Variants in C16orf96 observed in about 807,000 individuals in gnomAD.
The protein encoded by C16orf96 is chromosome 16 open reading frame 96.
A neutral mutation model predicts 103.6 loss-of-function variants in C16orf96; 108 were observed. The ratio of observed to expected loss-of-function variants is 1.04; its 90% CI spans 0.89 to 1.22. The LOEUF is 1.22. Among genes scored for constraint, C16orf96 ranks in the 50% most tolerant of loss-of-function variants. The probability of loss-of-function intolerance (pLI) is 0.00; values close to 1 mark genes in which losing one functional copy is unlikely to be tolerated. For missense variants in C16orf96, 1,586 were observed against 1,464.2 expected (o/e 1.08, Z -1.36); for synonymous variants, 566 against 593.5 (o/e 0.95, Z 0.67).
intron 1 of C16orf96, among the ~76,000 whole-genome samples, chr16:4,559,018 G>A (rs1395714699): frequency 6.6e-6 from 1 of 152,060 alleles, no homozygotes; most frequent in Admixed American, 6.6e-5. Flanking sequence ...CTGGAAGGCA[G>A]GTGTTGCAGT....
chr16:4,574,874 C>G, intron 3 of C16orf96, 85 bp downstream of exon 3: 1 of 1,520,558 alleles, frequency 6.6e-7, no homozygotes, highest in Non-Finnish European at 8.9e-7. Flanking sequence ...TAGGGAGGTG[C>G]AAGGAGGAGA....
At chr16:4,540,223 C>T in the C16orf96 span, among the ~76,000 whole-genome samples, 3 of 152,142 alleles carry the variant, frequency 2.0e-5, no homozygotes, top group East Asian at 1.9e-4. Context: ...GAGGAAGGGA[C>T]GCCCTAACAG....
rs369556849 is a variant in C16orf96, at chr16:4,600,127, C to T, written c.3236C>T (p.Ser1079Leu). 182 of 1,551,704 alleles carry T rather than the reference C, an allele frequency of 1.2e-4. No individual in the cohort carries two copies. In the African/African-American group the frequency reaches 2.1e-3, roughly 18 times the overall value. The change falls in exon 16 of 16, where the codon TCA becomes TTA. Residue 1079 changes from serine (S) to leucine (L), a missense_variant. Physicochemically the swap from Ser to Leu is moderately radical, Grantham distance 145 (BLOSUM62 -2). Transcript: ENST00000444310. ...CTGTGCCCCCGCTCCAGTGCCTGCTCAGCTGCCTCGGGCCCTCACCTGACG... is the reference window on the plus strand; with the variant it reads ...CTGTGCCCCCGCTCCAGTGCCTGCTTAGCTGCCTCGGGCCCTCACCTGACG... ...PPLCPRSSAC[S>L]AASGPHLTMP...
At chr16:4,571,415 C>G in intron 1 of C16orf96, 146 bp from the exon 2 acceptor site, 1 of 631,092 alleles carries the variant, frequency 1.6e-6, no homozygotes, top group Non-Finnish European at 2.7e-6. Flanking sequence ...AGTAGCATCT[C>G]CTGGTCCCCT....
chr16:4,543,181 G>T, the C16orf96 span, among the ~76,000 whole-genome samples: 1 of 152,204 alleles, frequency 6.6e-6, no homozygotes, highest in East Asian at 1.9e-4. Context: ...GGACGTTTAA[G>T]TTGGGGCTTG....
chr16:4,560,800 G>A (rs1445241653), intron 1 of C16orf96: 1 of 149,480 alleles, frequency 6.7e-6, no homozygotes, highest in African/African-American at 2.5e-5. Context: ...GTGACAGAGT[G>A]AGATCCTGTC....
chr16:4,562,977 C>T lies in C16orf96; in HGVS notation c.420+6068C>T, dbSNP rs1425279176. 7 of 1,241,616 alleles carry T rather than the reference C, an allele frequency of 5.6e-6. No individual in the cohort carries two copies. In the African/African-American group the frequency reaches 6.0e-5, roughly 11 times the overall value. 76.9% of individuals were successfully genotyped at this position (1,241,616 alleles called of 1,614,324 possible). On this transcript the variant is annotated intron_variant, in intron 1 of 15. Coordinates refer to ENST00000444310, the MANE Select transcript of C16orf96 (RefSeq NM_001145011.2). ...CACTTTGCCTTTAAAATCTTGAACG[C>T]CAACGTACCTCATTTTCCCAATCTG...
At chr16:4,562,943 A>G (rs916494290) in intron 1 of C16orf96, 7 of 1,395,970 alleles carry the variant, frequency 5.0e-6, no homozygotes, top group Non-Finnish European at 7.0e-6. Context: ...ATTCTCCAAT[A>G]TCAATTAGCA....
the C16orf96 span, among the ~76,000 whole-genome samples, chr16:4,545,704 T>C: frequency 7.9e-5 from 12 of 152,288 alleles, no homozygotes; most frequent in Admixed American, 2.0e-4. Flanking sequence ...CTCCCACTCC[T>C]TGGCTATCAA....
In C16orf96 at chr16:4,600,495, C is replaced by CCT; in HGVS notation, c.*179_*180insTC. 2 of 478,478 alleles carry CCT rather than the reference C, an allele frequency of 4.2e-6. No individual in the cohort carries two copies. The highest frequency in any genetic ancestry group is 7.4e-5 in the Admixed American group (2 of 26,888). The allele number at this position is 478,478 out of a possible 1,614,324, so 29.6% of individuals were successfully genotyped here. A position where few individuals can be genotyped will look rare whatever the true frequency, so the allele number is the denominator to read the frequency against. On this transcript the variant is annotated 3_prime_UTR_variant, in exon 16 of 16. Transcript: ENST00000444310. ...CCGAGGCTGAGGCTCATGCGCCCCCCCCCATCCCTACCAAGTCCCCTCCAC... is the reference window on the plus strand; with the variant it reads ...CCGAGGCTGAGGCTCATGCGCCCCCCCTCCCATCCCTACCAAGTCCCCTCCAC...
At chr16:4,578,141 T>A (rs9923989) in intron 5 of C16orf96, among the ~76,000 whole-genome samples, 41,563 of 152,134 alleles carry the variant, frequency 0.27, 6,633 homozygotes, top group African/African-American at 0.44. Flanking sequence ...AAAATTTTTT[T>A]AATTATTGTT....
chr16:4,571,574 T>C lies in C16orf96; in HGVS notation c.434T>C (p.Leu145Pro). Residue 145 changes from leucine to proline, a missense_variant, in exon 2 of 16, where the codon CTG becomes CCG. Coordinates refer to ENST00000444310, the MANE Select transcript of C16orf96 (RefSeq NM_001145011.2). ...CCTCTTTTGCAGTCAATGCAGACCC[T>C]GCAGGACTTGCTCACTGATCTTCAT... ...DEVMAKSMQT[L>P]QDLLTDLHAL... The C allele has an allele frequency of 6.4e-7, 1 of 1,552,234 alleles. No homozygotes were observed. The highest frequency in any genetic ancestry group is 8.7e-7 in the Non-Finnish European group (1 of 1,147,034).
chr16:4,574,864 T>G lies in C16orf96; in HGVS notation c.606+75T>G, dbSNP rs999478621. On this transcript the variant is annotated intron_variant, in intron 3 of 15. Coordinates refer to ENST00000444310, the MANE Select transcript of C16orf96 (RefSeq NM_001145011.2). ...CCTCCCGGGTCCTGGGTGCTGAGGG[T>G]AGGGAGGTGCAAGGAGGAGAACACA... 1.2e-5 allele frequency: 18 copies of G among 1,524,054 alleles called. No homozygotes were observed. The Admixed American group carries it at 3.5e-4, about 30-fold the overall frequency. The allele number at this position is 1,524,054 out of a possible 1,614,324, so 94.4% of individuals were successfully genotyped here.
rs1370732681 is a variant in C16orf96, at chr16:4,600,144, C to T, written c.3253C>T (p.His1085Tyr). 1.9e-6 allele frequency: 3 copies of T among 1,551,744 alleles called. No individual in the cohort carries two copies. Among genetic ancestry groups the T allele is most frequent in the East Asian group, 2.4e-5 (1 of 40,902 alleles). Residue 1085 changes from histidine (H) to tyrosine (Y), a missense_variant, in exon 16 of 16, where the codon CAC (histidine) becomes TAC (tyrosine). Transcript: ENST00000444310. ...SSACSAASGP[H>Y]LTMPARPPSL... ...TGCCTGCTCAGCTGCCTCGGGCCCT[C>T]ACCTGACGATGCCAGCTCGACCACC...
rs747734579 is a variant in C16orf96, at chr16:4,576,407, G to A, written c.1927G>A (p.Glu643Lys). 85 of 1,550,980 alleles carry A rather than the reference G, an allele frequency of 5.5e-5. No homozygotes were observed. In the South Asian group the frequency reaches 8.6e-4, roughly 16 times the overall value. ...ATCCCAGATCTTGGGCGATGATTCC[G>A]AAATCTACGAAATCCTCTCTCCCTC... ...TESQILGDDS[E>K]IYEILSPSYS... Residue 643 changes from glutamate to lysine, a missense_variant, in exon 5 of 16, where the codon GAA (glutamate) becomes AAA (lysine). Glu to Lys is a moderately conservative substitution (Grantham distance 56). Transcript: ENST00000444310.
At chr16:4,585,600 A>G (rs1009899796) in intron 7 of C16orf96, among the ~76,000 whole-genome samples, 1 of 152,182 alleles carries the variant, frequency 6.6e-6, no homozygotes, top group African/African-American at 2.4e-5. Flanking sequence ...AGACGTGCCT[A>G]GGTTTGAATC....
At chr16:4,539,309 C>T in the C16orf96 span, among the ~76,000 whole-genome samples, 2 of 152,212 alleles carry the variant, frequency 1.3e-5, no homozygotes, top group African/African-American at 4.8e-5. Flanking sequence ...TAGTTAACAG[C>T]CCTTTCCCAA....
rs1897257076 is a variant in C16orf96, at chr16:4,600,307, C to G, written c.3416C>G (p.Ala1139Gly). ...RVGRKPPEEP[A>G]NP Reference sequence around the variant, plus strand: ...GGCAGGAAGCCCCCCGAGGAGCCCGCCAACCCGTGAGCCCCACCCCGCTGC... The same window carrying G: ...GGCAGGAAGCCCCCCGAGGAGCCCGGCAACCCGTGAGCCCCACCCCGCTGC... The change falls in exon 16 of 16, where the codon GCC becomes GGC. Residue 1139 changes from alanine to glycine, a missense_variant. By Grantham distance (60) the Ala-to-Gly change is moderately conservative (BLOSUM62 0). Transcript: ENST00000444310. 2 of 1,549,012 alleles carry G rather than the reference C, an allele frequency of 1.3e-6. No individual in the cohort carries two copies. The highest frequency in any genetic ancestry group is 3.9e-5 in the Admixed American group (2 of 50,954).
At position 4,556,499 on chromosome 16, in the gene C16orf96, T is replaced by C; in HGVS notation, c.10T>C (p.Ser4Pro). 3.3e-6 allele frequency: 5 copies of C among 1,527,568 alleles called. No homozygotes were observed. Among genetic ancestry groups the C allele is most frequent in the Non-Finnish European group, 4.4e-6 (5 of 1,130,246 alleles). 94.6% of individuals were successfully genotyped at this position (1,527,568 alleles called of 1,614,324 possible). A position where few individuals can be genotyped will look rare whatever the true frequency, so the allele number is the denominator to read the frequency against. ...GACCCACCCTGGCAGGATGAGCTTC[T>C]CACTCACGTTCACCGAGCTGGCCAA... MSF[S>P]LTFTELANIA... The change falls in exon 1 of 16, where the codon TCA (serine) becomes CCA (proline). Residue 4 changes from serine to proline, a missense_variant. Coordinates refer to ENST00000444310, the MANE Select transcript of C16orf96 (RefSeq NM_001145011.2).
Sources: allele counts gnomAD v4.1 joint callset (sites outside exome capture counted in the v4.1 genomes callset), GRCh38; gene constraint gnomAD v4.1.1; transcripts MANE v1.5; gene names NCBI Gene and HGNC (gene_info 2026-07-23, HGNC 2026-07-21).